The following DRC9 variants were observed in gnomAD, a reference collection of about 807,000 sequenced individuals.
DRC9 encodes the protein dynein regulatory complex protein 9.
At chr3:197,890,092 C>T in the DRC9 span, among the ~76,000 whole-genome samples, 56 of 152,230 alleles carry the variant, frequency 3.7e-4, no homozygotes, top group East Asian at 0.01. Flanking sequence ...CAAAAGCACT[C>T]GGCCAAAAAT....
At chr3:197,889,289 TCTG>T in the DRC9 span, 1 of 386,182 alleles carries the variant, frequency 2.6e-6, no homozygotes. Flanking sequence ...ACTCCTTTGT[TCTG>T]CTGAGAAAGA....
At chr3:197,914,859 CCCA>C in the DRC9 span, among the ~76,000 whole-genome samples, 2 of 152,018 alleles carry the variant, frequency 1.3e-5, no homozygotes, top group Non-Finnish European at 2.9e-5. Flanking sequence ...GACAGGTAAG[CCCA>C]CCACATGAAA....
the DRC9 span, among the ~76,000 whole-genome samples, chr3:197,889,959 CCT>C: frequency 6.6e-6 from 1 of 152,188 alleles, no homozygotes; most frequent in Non-Finnish European, 1.5e-5. Flanking sequence ...TCTGATTTGA[CCT>C]ATTTTTTCTT....
chr3:197,904,017 T>C, the DRC9 span, among the ~76,000 whole-genome samples: 15 of 90,674 alleles, frequency 1.7e-4, no homozygotes, highest in Admixed American at 1.0e-3. Flanking sequence ...CATATATATA[T>C]ACATACATAT....
At chr3:197,949,171 G>C in the DRC9 span, among the ~76,000 whole-genome samples, 1 of 152,140 alleles carries the variant, frequency 6.6e-6, no homozygotes. Context: ...CGCCTCGTAG[G>C]ATATAAGCTC....
At chr3:197,918,759 C>G in the DRC9 span, among the ~76,000 whole-genome samples, 1 of 152,148 alleles carries the variant, frequency 6.6e-6, no homozygotes, top group Non-Finnish European at 1.5e-5. Context: ...AGTTAAAAGT[C>G]TTTAGCTTCT....
At chr3:197,960,174 A>C in the DRC9 span, 1 of 1,512,970 alleles carries the variant, frequency 6.6e-7, no homozygotes, top group Non-Finnish European at 9.0e-7. Flanking sequence ...GTCTACCCCC[A>C]GCGGCGAGGG....
chr3:197,907,872 A>G, the DRC9 span, among the ~76,000 whole-genome samples: 1 of 143,082 alleles, frequency 7.0e-6, no homozygotes, highest in East Asian at 2.1e-4. Context: ...CTCCCAGATG[A>G]AGTTATCACA....
the DRC9 span, among the ~76,000 whole-genome samples, chr3:197,915,984 TA>T: frequency 7.2e-5 from 11 of 151,728 alleles, no homozygotes; most frequent in African/African-American, 2.7e-4. Flanking sequence ...TCTTTTGTAT[TA>T]AAAAAATTTT....
At chr3:197,960,157 GC>G in the DRC9 span, 3 of 1,398,498 alleles carry the variant, frequency 2.1e-6, no homozygotes, top group Non-Finnish European at 2.9e-6. Flanking sequence ...CGCCGGCTGG[GC>G]CCTCCGTCTA....
the DRC9 span, chr3:197,912,441 T>G: frequency 6.7e-6 from 3 of 447,988 alleles, no homozygotes; most frequent in African/African-American, 6.1e-5. Flanking sequence ...ATCGAAAAAT[T>G]TCTTATGTAA....
At chr3:197,900,448 C>A in the DRC9 span, among the ~76,000 whole-genome samples, 1 of 152,230 alleles carries the variant, frequency 6.6e-6, no homozygotes, top group African/African-American at 2.4e-5. This position sits in a 1 kb window ranked among gnomAD's most constrained non-coding sequence, Gnocchi z 4.7. Flanking sequence ...GAGCACTGGG[C>A]AGAGGACACC....
the DRC9 span, among the ~76,000 whole-genome samples, chr3:197,911,077 G>GA: frequency 6.6e-6 from 1 of 151,144 alleles, no homozygotes; most frequent in Admixed American, 6.6e-5. Context: ...TATTAGTATT[G>GA]AAAATGCTCT....
the DRC9 span, chr3:197,943,666 A>G: frequency 1.0e-6 from 1 of 975,336 alleles, no homozygotes; most frequent in Non-Finnish European, 1.5e-6. Context: ...ACAAAGAAGG[A>G]AAGAGAGAGA....
At chr3:197,931,106 T>A in the DRC9 span, among the ~76,000 whole-genome samples, 37,773 of 151,108 alleles carry the variant, frequency 0.25, 5,868 homozygotes, top group African/African-American at 0.45. Context: ...TCTCTAAGAA[T>A]AGAATAAAAA....
the DRC9 span, among the ~76,000 whole-genome samples, chr3:197,945,385 T>G: frequency 6.6e-6 from 1 of 152,184 alleles, no homozygotes. Context: ...TTCAGATCAT[T>G]GCCACCCCTG....
chr3:197,891,702 A>G, the DRC9 span, among the ~76,000 whole-genome samples: 1 of 152,270 alleles, frequency 6.6e-6, no homozygotes, highest in African/African-American at 2.4e-5. Context: ...TAGATGGTAA[A>G]TATTCACATA....
At chr3:197,897,308 TA>T in the DRC9 span, among the ~76,000 whole-genome samples, 1 of 152,120 alleles carries the variant, frequency 6.6e-6, no homozygotes, top group Non-Finnish European at 1.5e-5. Context: ...TGGCAAAATA[TA>T]AATCAATCAA....
At chr3:197,896,354 T>A in the DRC9 span, among the ~76,000 whole-genome samples, 10 of 151,474 alleles carry the variant, frequency 6.6e-5, no homozygotes, top group East Asian at 1.9e-4. Context: ...AAAAAAAAAA[T>A]TAATAAGTAA....
Sources: gnomAD v4.1 joint callset for allele counts (sites outside exome capture counted in the v4.1 genomes callset) on GRCh38, gnomAD v4.1.1 for gene constraint, Gnocchi (gnomAD v3.1) non-coding constraint, MANE v1.5 for transcripts, NCBI Gene and HGNC (gene_info 2026-07-23, HGNC 2026-07-21) for gene names.